The following UFL1 variants were observed in gnomAD, a reference collection of about 807,000 sequenced individuals.
UFL1 encodes the protein E3 UFM1-protein ligase 1.
A neutral mutation model predicts 99.3 loss-of-function variants in UFL1; 78 were observed. That is an observed-to-expected ratio of 0.79 (90% CI 0.65 to 0.95). The LOEUF is 0.95. Ranked by LOEUF, UFL1 falls within the 40% of genes least tolerant of loss-of-function variation. UFL1 has a pLI of 0.00. For synonymous variants in UFL1, 335 were observed against 322.2 expected, an observed-to-expected ratio of 1.04 and a Z score of -0.42; for missense variants, 936 against 937.0, an observed-to-expected ratio of 1.00 and a Z score of 0.01.
chr6:96,532,692 C>G (rs371029794), intron 6 of UFL1, among the ~76,000 whole-genome samples: 3 of 152,114 alleles, frequency 2.0e-5, no homozygotes, highest in Non-Finnish European at 4.4e-5. Flanking sequence ...CACTTACCAC[C>G]GTAAATTGAA....
Position 96,536,375 on chromosome 6 carries a change from C to A in UFL1, c.787C>A (p.Gln263Lys). ...QSTWVDSFFR[Q>K]NGYLEFDALS... ...TACTTGGGTGGATTCCTTTTTCAGG[C>A]AGAATGGCTATCTAGGTAACTTTCT... The change falls in exon 8 of 19, where the codon CAG becomes AAG. Residue 263 changes from glutamine (Q) to lysine (K), a missense_variant. Physicochemically the swap from Gln to Lys is moderately conservative, Grantham distance 53. Coordinates refer to ENST00000369278, the MANE Select transcript of UFL1 (RefSeq NM_015323.5). 6.2e-7 allele frequency: 1 copy of A among 1,603,578 alleles called. No individual in the cohort carries two copies. The highest frequency in any genetic ancestry group is 8.5e-7 in the Non-Finnish European group (1 of 1,173,356).
intron 13 of UFL1, 43 bp from the exon 14 acceptor site, chr6:96,549,369 T>C: frequency 2.0e-6 from 3 of 1,483,738 alleles, no homozygotes; most frequent in South Asian, 2.6e-5. Context: ...ATATAAATAC[T>C]CAGTACATTT....
chr6:96,522,619 T>C (rs1263386197), intron 1 of UFL1, among the ~76,000 whole-genome samples: 1 of 152,176 alleles, frequency 6.6e-6, no homozygotes, highest in Non-Finnish European at 1.5e-5. Flanking sequence ...AATCCCCTTA[T>C]GCTGTATTTT....
chr6:96,527,645 A>C (rs2127949157), intron 5 of UFL1, among the ~76,000 whole-genome samples: 1 of 152,284 alleles, frequency 6.6e-6, no homozygotes, highest in East Asian at 1.9e-4. Context: ...TGTTAATCAC[A>C]GGACAAAAAA....
intron 12 of UFL1, among the ~76,000 whole-genome samples, chr6:96,544,984 TA>T (rs1194142884): frequency 4.6e-5 from 7 of 151,180 alleles, no homozygotes; most frequent in Non-Finnish European, 1.0e-4. Context: ...GGTTCTCAGC[TA>T]AAATATAGGA....
In UFL1 at chr6:96,523,248, C is replaced by A. The variant is rs1164491300; in HGVS notation, c.180C>A (p.Ala60=). 6 of 1,610,008 alleles carry A rather than the reference C, an allele frequency of 3.7e-6. No individual in the cohort carries two copies. Among genetic ancestry groups the A allele is most frequent in the Non-Finnish European group, 5.1e-6 (6 of 1,178,162 alleles). ...TLDGKEYITP[A]QISKEMRDEL... is the part of the protein sequence containing the mutation. ...ATGGAAAGGAATATATTACTCCAGC[C>A]CAAATTAGTAAAGAAATGAGAGATG... Residue 60 remains alanine (A), a synonymous_variant, in exon 2 of 19, where the codon GCC becomes GCA. Transcript: ENST00000369278.
intron 12 of UFL1, among the ~76,000 whole-genome samples, chr6:96,546,783 TA>T (rs1176034219): frequency 5.9e-5 from 9 of 151,486 alleles, no homozygotes; most frequent in African/African-American, 1.9e-4. Flanking sequence ...CCCTATTCAA[TA>T]AATGGTTCTG....
chr6:96,543,351 T>G (rs1382840103), intron 12 of UFL1, among the ~76,000 whole-genome samples: 1 of 151,252 alleles, frequency 6.6e-6, no homozygotes, highest in Non-Finnish European at 1.5e-5. Flanking sequence ...CAATGATTGG[T>G]CACTGCACAT....
chr6:96,542,908 A>G lies in UFL1; in HGVS notation c.1294A>G (p.Met432Val), dbSNP rs745813152. Residue 432 changes from methionine (M) to valine (V), a missense_variant, in exon 12 of 19, where the codon ATG (methionine) becomes GTG (valine). Transcript: ENST00000369278. ...TTTCCCACCAGAGGGCAGTGGAAGC[A>G]TGAGAGGAGGAGGTGGGGGCAATGC... ...RRKATEGSGS[M>V]RGGGGGNARE... The G allele has an allele frequency of 2.5e-6, 4 of 1,591,990 alleles. No individual in the cohort carries two copies. The highest frequency in any genetic ancestry group is 2.6e-6 in the Non-Finnish European group (3 of 1,170,230).
At chr6:96,528,669 C>A (rs373143308) in intron 6 of UFL1, 37 bp downstream of exon 6, 3 of 1,546,198 alleles carry the variant, frequency 1.9e-6, no homozygotes, top group African/African-American at 2.8e-5. Context: ...TTGCACATTT[C>A]TTTGATCATG....
At chr6:96,535,279 T>C (rs142382584) in intron 7 of UFL1, among the ~76,000 whole-genome samples, 57 of 152,128 alleles carry the variant, frequency 3.7e-4, no homozygotes, top group African/African-American at 1.3e-3. Context: ...TAGCCTTTCT[T>C]TTTGCCAATC....
At chr6:96,526,960 C>T (rs1395932020) in intron 5 of UFL1, among the ~76,000 whole-genome samples, 1 of 152,164 alleles carries the variant, frequency 6.6e-6, no homozygotes, top group Non-Finnish European at 1.5e-5. Flanking sequence ...GTAATGCCAA[C>T]ATCTTTTGAC....
Position 96,536,365 on chromosome 6 carries a change from CT to C in UFL1, c.782del (p.Phe261SerfsTer7). The C allele has an allele frequency of 2.5e-6, 4 of 1,604,736 alleles. No homozygotes were observed. Among genetic ancestry groups the C allele is most frequent in the East Asian group, 2.2e-5 (1 of 44,794 alleles). ...SRTQSTWVDS[F>X]FRQNGYLEFD... ...GGACACAGAGTACTTGGGTGGATTC[CT>C]TTTTCAGGCAGAATGGCTATCTAGG... On this transcript the variant is annotated frameshift_variant, in exon 8 of 19. Transcript: ENST00000369278. LOFTEE classifies it high-confidence loss of function.
intron 10 of UFL1, among the ~76,000 whole-genome samples, chr6:96,539,599 A>G (rs1769902921): frequency 6.6e-6 from 1 of 151,620 alleles, no homozygotes; most frequent in South Asian, 2.1e-4. Flanking sequence ...AACGTGTATT[A>G]TCTGTATGAC....
intron 6 of UFL1, among the ~76,000 whole-genome samples, chr6:96,533,922 G>T (rs1177570129): frequency 6.6e-6 from 1 of 150,860 alleles, no homozygotes; most frequent in Non-Finnish European, 1.5e-5. Flanking sequence ...GGAATCATAT[G>T]ACATCCACTT....
intron 16 of UFL1, 135 bp downstream of exon 16, chr6:96,551,648 TGAGAA>T (rs1315781085): frequency 1.2e-5 from 9 of 743,700 alleles, no homozygotes; most frequent in East Asian, 2.9e-5. Flanking sequence ...CTCTTTGAAA[TGAGAA>T]GAGAAGACCA....
At position 96,547,181 on chromosome 6, in the gene UFL1, C is replaced by A. The variant is rs76023832; in HGVS notation, c.1403-983C>A. ...GAGCAAAGGATATGAACAGATACTT[C>A]TCAAAAGAAGAAATACAAGCAGCCA... On this transcript the variant is annotated intron_variant, in intron 12 of 18. Coordinates refer to ENST00000369278, the MANE Select transcript of UFL1 (RefSeq NM_015323.5). Among the ~76,000 whole-genome samples the A allele has an allele frequency of 9.2e-3, 1,397 of 151,728 alleles. 9 individuals are homozygous for A. Among genetic ancestry groups the A allele is most frequent in the Middle Eastern group, 0.034 (10 of 294 alleles).
intron 4 of UFL1, among the ~76,000 whole-genome samples, chr6:96,525,615 G>A (rs1769687125): frequency 6.6e-6 from 1 of 151,016 alleles, no homozygotes; most frequent in African/African-American, 2.4e-5. Context: ...GCTGAGGCTG[G>A]AGGATTGCTT....
intron 6 of UFL1, among the ~76,000 whole-genome samples, chr6:96,532,483 A>T (rs796405864): frequency 2.4e-4 from 36 of 152,328 alleles, no homozygotes; most frequent in African/African-American, 8.7e-4. Context: ...AGTAGGGCCT[A>T]GTAAGTGTTT....
Sources: gnomAD v4.1 joint callset for allele counts (sites outside exome capture counted in the v4.1 genomes callset) on GRCh38, gnomAD v4.1.1 for gene constraint, MANE v1.5 for transcripts, NCBI Gene and HGNC (gene_info 2026-07-23, HGNC 2026-07-21) for gene names.